TIPRL: variants seen among roughly 807,000 people sequenced by gnomAD.
The protein encoded by TIPRL is TOR signaling pathway regulator.
TIPRL carries 10 observed loss-of-function variants against 32.3 expected under a neutral mutation model. That is an observed-to-expected ratio of 0.31 (90% confidence interval 0.19 to 0.52). The LOEUF is 0.52. Ranked by LOEUF, TIPRL falls within the 20% of genes least tolerant of loss-of-function variation. TIPRL has a pLI of 0.96. For missense variants in TIPRL, 250 were observed against 328.1 expected (o/e 0.76, Z 1.84); for synonymous variants, 100 against 114.0 (o/e 0.88, Z 0.78).
intron 4 of TIPRL, among the ~76,000 whole-genome samples, chr1:168,194,934 A>T (rs1240144053): frequency 6.6e-6 from 1 of 152,234 alleles, no homozygotes. Flanking sequence ...TTCGTAATGG[A>T]GTGCTATGAG....
chr1:168,197,036 G>A (rs1040763415), intron 5 of TIPRL, among the ~76,000 whole-genome samples: 3 of 152,172 alleles, frequency 2.0e-5, no homozygotes, highest in Admixed American at 1.3e-4. Context: ...GGCCAAGGCC[G>A]GGCGCCGTAG....
At chr1:168,186,826 C>G (rs1488887392) in intron 3 of TIPRL, among the ~76,000 whole-genome samples, 1 of 152,110 alleles carries the variant, frequency 6.6e-6, no homozygotes, top group Non-Finnish European at 1.5e-5. Flanking sequence ...GAGTGAGACT[C>G]CATCTCAAAA....
intron 3 of TIPRL, among the ~76,000 whole-genome samples, chr1:168,185,744 T>C (rs1274735268): frequency 2.1e-5 from 3 of 141,626 alleles, no homozygotes; most frequent in Non-Finnish European, 4.6e-5. Context: ...CACTCCAGCC[T>C]GGGTGACAGA....
In TIPRL at chr1:168,201,232, TA is replaced by T. The variant is rs1301234155; in HGVS notation, c.*1187del. 3 of 152,136 alleles carry T rather than the reference TA, an allele frequency of 2.0e-5. 1 individual carries two copies. The highest frequency in any genetic ancestry group is 7.2e-5 in the African/African-American group (3 of 41,452). The allele number at this position is 152,136 out of a possible 1,614,324, so 9.4% of individuals were successfully genotyped here. ...ATTATTTCAAGTGGATTTTTAAAAATATTTTTTTGAAGGGCAGGGGGAAAAT... is the reference window on the plus strand; with the variant it reads ...ATTATTTCAAGTGGATTTTTAAAAATTTTTTTTGAAGGGCAGGGGGAAAAT... On this transcript the variant is annotated 3_prime_UTR_variant, in exon 7 of 7. Transcript: ENST00000367833.
chr1:168,184,883 A>G lies in TIPRL; in HGVS notation c.384+5A>G. 1 of 1,572,578 alleles carries G rather than the reference A, an allele frequency of 6.4e-7. No homozygotes were observed. The highest frequency in any genetic ancestry group is 1.1e-5 in the South Asian group (1 of 89,060). On this transcript the variant is annotated splice_donor_5th_base_variant and intron_variant, in intron 3 of 6. Coordinates refer to ENST00000367833, the MANE Select transcript of TIPRL (RefSeq NM_152902.5). ...GGAGAATCTCTTAAGTTAAAGGTAA[A>G]TCTTACTTTTTTCTTTCATGAGTCA... is the stretch of plus-strand genomic sequence containing the variant.
chr1:168,199,892 G>C lies in TIPRL; in HGVS notation c.676-11G>C. 6.2e-7 allele frequency: 1 copy of C among 1,609,330 alleles called. No homozygotes were observed. Among genetic ancestry groups the C allele is most frequent in the East Asian group, 2.2e-5 (1 of 44,718 alleles). ...AACTGAATATGCTAATATGATTTAT[G>C]TATTTCCTAGCATGTTCCACCTTCC... On this transcript the variant is annotated splice_polypyrimidine_tract_variant and intron_variant, in intron 6 of 6. Coordinates refer to ENST00000367833, the MANE Select transcript of TIPRL (RefSeq NM_152902.5).
intron 1 of TIPRL, among the ~76,000 whole-genome samples, chr1:168,179,593 A>G (rs1254989676): frequency 6.6e-6 from 1 of 151,596 alleles, no homozygotes; most frequent in Non-Finnish European, 1.5e-5. Flanking sequence ...TAGGAAATGT[A>G]AAAGACAACG....
intron 5 of TIPRL, 38 bp downstream of exon 5, chr1:168,196,680 T>C: frequency 7.1e-7 from 1 of 1,400,696 alleles, no homozygotes; most frequent in Admixed American, 2.1e-5. Context: ...TAATTGATAC[T>C]GGGCTTGTTT....
chr1:168,189,445 A>G (rs1362766637), intron 3 of TIPRL, among the ~76,000 whole-genome samples: 1 of 152,172 alleles, frequency 6.6e-6, no homozygotes, highest in Non-Finnish European at 1.5e-5. Flanking sequence ...CCGCGGGTTC[A>G]AGCGATTCTC....
chr1:168,189,687 T>C (rs901912995), intron 3 of TIPRL, among the ~76,000 whole-genome samples: 2 of 152,140 alleles, frequency 1.3e-5, no homozygotes, highest in African/African-American at 4.8e-5. Flanking sequence ...TTTGTTGTAT[T>C]TTTTAGATCC....
intron 1 of TIPRL, among the ~76,000 whole-genome samples, chr1:168,181,571 T>TGCAA (rs1173573217): frequency 2.0e-5 from 3 of 151,310 alleles, no homozygotes; most frequent in Non-Finnish European, 4.4e-5. Context: ...ATTGCGGTTT[T>TGCAA]TAATTGCAAA....
At position 168,192,818 on chromosome 1, in the gene TIPRL, A is replaced by G. The variant is rs367899601; in HGVS notation, c.516+1318A>G. ...GGAGAATGGCGTGAACCCGGAAGGC[A>G]GAGCTTGCAGTGAGCCGAGATCGTG... is the stretch of plus-strand genomic sequence containing the variant. On this transcript the variant is annotated intron_variant, in intron 4 of 6. Transcript: ENST00000367833. Among the ~76,000 whole-genome samples, 665 of 152,226 alleles carry G rather than the reference A, an allele frequency of 4.4e-3. 11 individuals are homozygous for G. Among genetic ancestry groups the G allele is most frequent in the East Asian group, 3.9e-3 (20 of 5,160 alleles).
chr1:168,183,835 A>G, intron 1 of TIPRL, 67 bp from the exon 2 acceptor site: 2 of 1,518,668 alleles, frequency 1.3e-6, no homozygotes, highest in South Asian at 1.2e-5. Context: ...TTCTGTTGGG[A>G]TGGAAAAGAA....
At chr1:168,179,228 C>G (rs1390761759) in intron 1 of TIPRL, 47 bp downstream of exon 1, 1 of 1,579,020 alleles carries the variant, frequency 6.3e-7, no homozygotes, top group African/African-American at 1.3e-5. Flanking sequence ...GTTGCTGGCC[C>G]AGGGCGGGAG....
At chr1:168,196,729 C>A in intron 5 of TIPRL, 87 bp downstream of exon 5, 1 of 931,916 alleles carries the variant, frequency 1.1e-6, no homozygotes, top group Non-Finnish European at 1.6e-6. Flanking sequence ...TGAAATTAAA[C>A]AATCTATATT....
At chr1:168,195,738 AATTTTTTGT>A (rs1256378207) in intron 4 of TIPRL, among the ~76,000 whole-genome samples, 1 of 151,684 alleles carries the variant, frequency 6.6e-6, no homozygotes, top group Non-Finnish European at 1.5e-5. Flanking sequence ...GTGCTTTGCT[AATTTTTTGT>A]ATTTTTTGTA....
At chr1:168,188,175 G>A (rs1450513093) in intron 3 of TIPRL, among the ~76,000 whole-genome samples, 1 of 152,152 alleles carries the variant, frequency 6.6e-6, no homozygotes, top group Non-Finnish European at 1.5e-5. Flanking sequence ...GGAATCCCTA[G>A]TGTCTTTTAT....
rs779052760 is a variant in TIPRL, at chr1:168,184,884, T to C, written c.384+6T>C. ...GAGAATCTCTTAAGTTAAAGGTAAA[T>C]CTTACTTTTTTCTTTCATGAGTCAT... On this transcript the variant is annotated splice_donor_region_variant and intron_variant, in intron 3 of 6. Transcript: ENST00000367833. 1 of 1,566,820 alleles carries C rather than the reference T, an allele frequency of 6.4e-7. No homozygotes were observed. The highest frequency in any genetic ancestry group is 2.2e-5 in the East Asian group (1 of 44,520).
intron 3 of TIPRL, among the ~76,000 whole-genome samples, chr1:168,186,102 AAGAG>A (rs1558163011): frequency 1.4e-5 from 2 of 146,190 alleles, no homozygotes; most frequent in Non-Finnish European, 3.0e-5. Flanking sequence ...AAAAAAAAAA[AAGAG>A]AGAGATTCAT....
Sources: gnomAD v4.1 joint callset for allele counts (sites outside exome capture counted in the v4.1 genomes callset) on GRCh38, gnomAD v4.1.1 for gene constraint, MANE v1.5 for transcripts, NCBI Gene and HGNC (gene_info 2026-07-23, HGNC 2026-07-21) for gene names.